The following TMEM106B variants were observed in gnomAD, a reference collection of about 807,000 sequenced individuals.
The protein encoded by TMEM106B is transmembrane protein 106B.
In TMEM106B, 15 loss-of-function variants were observed where a neutral mutation model predicts 31.1. The observed-to-expected ratio is 0.48, with a 90% CI of 0.32 to 0.74. TMEM106B has a LOEUF of 0.74. TMEM106B is among the 30% of genes least tolerant of loss of function. The pLI is 0.03. For synonymous variants in TMEM106B, 126 were observed against 112.5 expected (o/e 1.12, Z -0.76); for missense variants, 283 against 327.3 (o/e 0.86, Z 1.04).
chr7:12,214,822 T>C lies in TMEM106B; in HGVS notation c.12T>C (p.Ser4=). 1 of 1,610,758 alleles carries C rather than the reference T, an allele frequency of 6.2e-7. No individual in the cohort carries two copies. Among genetic ancestry groups the C allele is most frequent in the Non-Finnish European group, 8.5e-7 (1 of 1,178,724 alleles). The change falls in exon 2 of 8, where the codon TCT becomes TCC. Residue 4 remains serine, a synonymous_variant. Transcript: ENST00000396668. The part of the protein sequence containing the change: MGK[S]LSHLPLHSSK... ...ATTTTTCTTTAGACATGGGAAAGTC[T>C]CTTTCTCATTTGCCTTTGCATTCAA...
intron 6 of TMEM106B, 52 bp from the exon 7 acceptor site, chr7:12,231,010 T>C (rs1782010766): frequency 2.3e-6 from 3 of 1,303,008 alleles, no homozygotes; most frequent in Non-Finnish European, 3.2e-6. Flanking sequence ...GGAGAATTTT[T>C]AATTTATAAT....
At chr7:12,220,461 A>C (rs73677521) in intron 3 of TMEM106B, among the ~76,000 whole-genome samples, 234 of 152,306 alleles carry the variant, frequency 1.5e-3, no homozygotes, top group African/African-American at 5.3e-3. Flanking sequence ...CTCCAAAGCA[A>C]AATAGAAGCT....
Position 12,230,483 on chromosome 7 carries a change from T to G in TMEM106B, c.632+45T>G, listed in dbSNP as rs200343375. 155 of 1,278,074 alleles carry G rather than the reference T, an allele frequency of 1.2e-4. No individual in the cohort carries two copies. The African/African-American group carries it at 2.3e-3, about 19-fold the overall frequency. The allele number at this position is 1,278,074 out of a possible 1,614,324, so 79.2% of individuals were successfully genotyped here. On this transcript the variant is annotated intron_variant, in intron 6 of 7. Transcript: ENST00000396668. ...AACTTTTTATTGTCAAATAATGAAG[T>G]GTATAAAATAAAGTATAAAGAGTAT... is the stretch of plus-strand genomic sequence containing the variant.
intron 1 of TMEM106B, chr7:12,214,176 G>A (rs981849845): frequency 6.6e-6 from 1 of 152,162 alleles, no homozygotes; most frequent in Non-Finnish European, 1.5e-5. Context: ...TCCACATTCT[G>A]TACAGAATCC....
intron 2 of TMEM106B, among the ~76,000 whole-genome samples, chr7:12,217,512 G>C (rs1286836888): frequency 6.6e-6 from 1 of 152,194 alleles, no homozygotes; most frequent in East Asian, 1.9e-4. Context: ...AGTGAGTGTA[G>C]TTGTGTGTTT....
At chr7:12,220,302 G>A (rs1194690969) in intron 3 of TMEM106B, among the ~76,000 whole-genome samples, 2 of 152,084 alleles carry the variant, frequency 1.3e-5, no homozygotes, top group Non-Finnish European at 2.9e-5. Flanking sequence ...TTTGACAGAT[G>A]AACTTTTACA....
At chr7:12,211,884 T>C (rs1471555828) in intron 1 of TMEM106B, among the ~76,000 whole-genome samples, 2 of 152,342 alleles carry the variant, frequency 1.3e-5, no homozygotes, top group South Asian at 2.1e-4. Flanking sequence ...TGCTGTGATA[T>C]ATTTTTTCTC....
At chr7:12,226,486 G>T (rs993507757) in intron 4 of TMEM106B, among the ~76,000 whole-genome samples, 1 of 152,148 alleles carries the variant, frequency 6.6e-6, no homozygotes, top group Non-Finnish European at 1.5e-5. Context: ...TAGGAAAAGG[G>T]ATAATATTTA....
At chr7:12,213,849 C>T (rs967033539) in intron 1 of TMEM106B, among the ~76,000 whole-genome samples, 1 of 152,098 alleles carries the variant, frequency 6.6e-6, no homozygotes, top group African/African-American at 2.4e-5. Context: ...AAGTGGAACC[C>T]GCTTCTCTGT....
chr7:12,236,063 A>C lies in TMEM106B; in HGVS notation c.*4088A>C, dbSNP rs1244976112. 1 of 151,938 alleles carries C rather than the reference A, an allele frequency of 6.6e-6. No individual in the cohort carries two copies. The highest frequency in any genetic ancestry group is 1.5e-5 in the Non-Finnish European group (1 of 67,870). 9.4% of individuals were successfully genotyped at this position (151,938 alleles called of 1,614,324 possible). A position where few individuals can be genotyped will look rare whatever the true frequency, so the allele number is the denominator to read the frequency against. Reference sequence around the variant, plus strand: ...AAAAGACTGTTAAACATTTCTTTTAAAAAATTATTTTTACATTACAACAAT... The same window carrying C: ...AAAAGACTGTTAAACATTTCTTTTACAAAATTATTTTTACATTACAACAAT... On this transcript the variant is annotated 3_prime_UTR_variant, in exon 8 of 8. Transcript: ENST00000396668.
chr7:12,212,601 T>C (rs754644969), intron 1 of TMEM106B, among the ~76,000 whole-genome samples: 11 of 152,296 alleles, frequency 7.2e-5, no homozygotes, highest in Non-Finnish European at 1.5e-4. Context: ...GTGGATGGCA[T>C]GCGAATTTTA....
In TMEM106B at chr7:12,232,171, T is replaced by C. The variant is rs1465087975; in HGVS notation, c.*196T>C. 2 of 411,128 alleles carry C rather than the reference T, an allele frequency of 4.9e-6. No individual in the cohort carries two copies. Among genetic ancestry groups the C allele is most frequent in the Non-Finnish European group, 8.5e-6 (2 of 235,190 alleles). 25.5% of individuals were successfully genotyped at this position (411,128 alleles called of 1,614,324 possible). ...TGTTAATGATATATTTGTACTAGGA[T>C]CTTTTACTTGAATCTAAATTTACTG... On this transcript the variant is annotated 3_prime_UTR_variant, in exon 8 of 8. Transcript: ENST00000396668.
Position 12,236,361 on chromosome 7 carries a change from A to G in TMEM106B, c.*4386A>G, listed in dbSNP as rs1478977113. ...TTTATAGTTATTTGTACAAGTATTT[A>G]TCACAGACTCTAAATTGAAAAATGT... On this transcript the variant is annotated 3_prime_UTR_variant, in exon 8 of 8. Coordinates refer to ENST00000396668, the MANE Select transcript of TMEM106B (RefSeq NM_001134232.2). 6.6e-6 allele frequency: 1 copy of G among 152,064 alleles called. No homozygotes were observed. The highest frequency in any genetic ancestry group is 6.6e-5 in the Admixed American group (1 of 15,238). The allele number at this position is 152,064 out of a possible 1,614,324, so 9.4% of individuals were successfully genotyped here.
intron 4 of TMEM106B, 131 bp from the exon 5 acceptor site, chr7:12,229,527 CAAATAATTGGTTTAATTTTCT>C: frequency 1.6e-6 from 1 of 643,592 alleles, no homozygotes; most frequent in East Asian, 3.1e-5. Flanking sequence ...TGCATAAAAC[CAAATAATTGGTTTAATTTTCT>C]TTGACATTTT....
At position 12,237,759 on chromosome 7, in the gene TMEM106B, C is replaced by T. The variant is rs553911519; in HGVS notation, c.*5784C>T. ...GCCAAGGTGGGAGGATCACCTGAGC[C>T]CAGAAGTTCAAGACCAAATTGGTCA... On this transcript the variant is annotated 3_prime_UTR_variant, in exon 8 of 8. Coordinates refer to ENST00000396668, the MANE Select transcript of TMEM106B (RefSeq NM_001134232.2). 6.6e-6 allele frequency: 1 copy of T among 150,520 alleles called. No individual in the cohort carries two copies. Among genetic ancestry groups the T allele is most frequent in the African/African-American group, 2.4e-5 (1 of 40,858 alleles). 9.3% of individuals were successfully genotyped at this position (150,520 alleles called of 1,614,324 possible). A position where few individuals can be genotyped will look rare whatever the true frequency, so the allele number is the denominator to read the frequency against.
In TMEM106B at chr7:12,242,422, A is replaced by G; in HGVS notation, c.*10447A>G. On this transcript the variant is annotated 3_prime_UTR_variant, in exon 8 of 8. Coordinates refer to ENST00000396668, the MANE Select transcript of TMEM106B (RefSeq NM_001134232.2). ...AAAAAAAAAAATACCCTTCTTTAAC[A>G]AAATCAAGTTTCAAGTTTTCTGCCT... The G allele has an allele frequency of 6.6e-6, 1 of 151,472 alleles. No individual in the cohort carries two copies. Among genetic ancestry groups the G allele is most frequent in the Non-Finnish European group, 1.5e-5 (1 of 67,880 alleles). 9.4% of individuals were successfully genotyped at this position (151,472 alleles called of 1,614,324 possible).
At chr7:12,213,862 A>G (rs1276234495) in intron 1 of TMEM106B, among the ~76,000 whole-genome samples, 1 of 152,196 alleles carries the variant, frequency 6.6e-6, no homozygotes, top group Non-Finnish European at 1.5e-5. Flanking sequence ...TTCTCTGTCA[A>G]GGGCATTCCA....
In TMEM106B at chr7:12,232,778, G is replaced by A. The variant is rs558034181; in HGVS notation, c.*803G>A. 5 of 152,252 alleles carry A rather than the reference G, an allele frequency of 3.3e-5. No homozygotes were observed. In the East Asian group the frequency reaches 7.7e-4, roughly 23 times the overall value. The allele number at this position is 152,252 out of a possible 1,614,324, so 9.4% of individuals were successfully genotyped here. A position where few individuals can be genotyped will look rare whatever the true frequency, so the allele number is the denominator to read the frequency against. On this transcript the variant is annotated 3_prime_UTR_variant, in exon 8 of 8. Coordinates refer to ENST00000396668, the MANE Select transcript of TMEM106B (RefSeq NM_001134232.2). ...AAGTGGTACAGACTCATTACAACAA[G>A]TTTCTCATAAAAATACAATAAATAG...
chr7:12,224,309 A>T lies in TMEM106B; in HGVS notation c.365A>T (p.Asp122Val). 6.2e-7 allele frequency: 1 copy of T among 1,614,042 alleles called. No homozygotes were observed. The highest frequency in any genetic ancestry group is 8.5e-7 in the Non-Finnish European group (1 of 1,179,976). Residue 122 changes from aspartate to valine, a missense_variant, in exon 4 of 8, where the codon GAC becomes GTC. Physicochemically the swap from Asp to Val is radical, Grantham distance 152 (BLOSUM62 -3). This residue lies in a region of TMEM106B where 201 missense variants were observed against 211.5 expected (regional missense o/e 0.95). Coordinates refer to ENST00000396668, the MANE Select transcript of TMEM106B (RefSeq NM_001134232.2). ...TTTTTCCTTTTCCCTCGCTCTATCGACGTGAAATACATTGGTGTAAAATCA... is the reference window on the plus strand; with the variant it reads ...TTTTTCCTTTTCCCTCGCTCTATCGTCGTGAAATACATTGGTGTAAAATCA... ...AVFFLFPRSI[D>V]VKYIGVKSAY...
Sources: allele counts gnomAD v4.1 joint callset (sites outside exome capture counted in the v4.1 genomes callset), GRCh38; gene constraint gnomAD v4.1.1; regional missense constraint gnomAD v4.1.1; transcripts MANE v1.5; gene names NCBI Gene and HGNC (gene_info 2026-07-23, HGNC 2026-07-21).